Variants in PCDH7 observed in about 807,000 individuals in gnomAD.
The protein encoded by PCDH7 is protocadherin-7.
A neutral mutation model predicts 58.9 loss-of-function variants in PCDH7; 17 were observed. That is an observed-to-expected ratio of 0.29 (90% CI 0.20 to 0.43). PCDH7 has a LOEUF of 0.43. PCDH7 is among the 20% of genes least tolerant of loss of function. PCDH7 has a pLI of 1.00. For missense variants in PCDH7, 1,274 were observed against 1,441.0 expected (o/e 0.88, Z 1.88); for synonymous variants, 664 against 616.4 (o/e 1.08, Z -1.14).
chr4:30,980,485 A>T lies in PCDH7; in HGVS notation c.*7+30270A>T, dbSNP rs142166412. Among the ~76,000 whole-genome samples the T allele has an allele frequency of 1.5e-3, 228 of 152,280 alleles. 1 individual carries two copies. Among genetic ancestry groups the T allele is most frequent in the Middle Eastern group, 0.01 (3 of 294 alleles). On this transcript the variant is annotated intron_variant, in intron 3 of 3. Coordinates refer to the PCDH7 transcript ENST00000509759. ...TAGCAAAATTTAGTCTAGGCAATGG[A>T]TACTGGCAGACATAAAATGAAGCTG...
At chr4:31,112,613 T>A (rs149135671) in intron 3 of PCDH7, among the ~76,000 whole-genome samples, 62 of 152,302 alleles carry the variant, frequency 4.1e-4, no homozygotes, top group African/African-American at 1.5e-3. Flanking sequence ...GCAAAGCCTC[T>A]CTGTTGTTTA....
chr4:31,007,310 G>A (rs1196920383), intron 3 of PCDH7, among the ~76,000 whole-genome samples: 1 of 152,200 alleles, frequency 6.6e-6, no homozygotes. Context: ...CTTAGGGTAT[G>A]CAATACATAC....
intron 3 of PCDH7, among the ~76,000 whole-genome samples, chr4:31,066,058 A>T (rs187205941): frequency 7.9e-4 from 120 of 151,976 alleles, no homozygotes; most frequent in African/African-American, 2.8e-3. Context: ...CTATCACACT[A>T]ACCAATGATC....
At chr4:30,883,645 T>C (rs1737292791) in intron 1 of PCDH7, among the ~76,000 whole-genome samples, 1 of 152,210 alleles carries the variant, frequency 6.6e-6, no homozygotes, top group Admixed American at 6.5e-5. Flanking sequence ...TACACTGATA[T>C]TTTCTCCTCT....
rs1400928621 is a variant in PCDH7 at position 30,907,865 on chromosome 4, G to C, written c.71-12288G>C. Among the ~76,000 whole-genome samples, 3 of 152,112 alleles carry C rather than the reference G, an allele frequency of 2.0e-5. 1 individual carries two copies. Among genetic ancestry groups the C allele is most frequent in the South Asian group, 4.1e-4 (2 of 4,822 alleles). On this transcript the variant is annotated intron_variant, in intron 1 of 3. Coordinates refer to the PCDH7 transcript ENST00000509759. ...GAAACCAATCCAAATGTCCAGCAATGATAAACTAGATTAAGAAAATGTGGC... is the reference window on the plus strand; with the variant it reads ...GAAACCAATCCAAATGTCCAGCAATCATAAACTAGATTAAGAAAATGTGGC...
At chr4:31,058,648 T>G (rs1757443099) in intron 3 of PCDH7, among the ~76,000 whole-genome samples, 1 of 152,030 alleles carries the variant, frequency 6.6e-6, no homozygotes, top group South Asian at 2.1e-4. Context: ...AAAGACCTTC[T>G]TATAATGTAG....
At chr4:30,977,670 C>T (rs1750189660) in intron 3 of PCDH7, among the ~76,000 whole-genome samples, 1 of 152,090 alleles carries the variant, frequency 6.6e-6, no homozygotes, top group Admixed American at 6.5e-5. Context: ...TTGAATTTCA[C>T]TTTGGAGCTC....
exon 2 of PCDH7, chr4:30,732,275 C>T (rs944570080): frequency 6.6e-6 from 1 of 152,136 alleles, no homozygotes; most frequent in Admixed American, 6.6e-5. Flanking sequence ...GTGAAAGGAA[C>T]CTTACCAATC....
intron 1 of PCDH7, among the ~76,000 whole-genome samples, chr4:30,912,841 T>C (rs937163695): frequency 9.9e-5 from 15 of 152,178 alleles, no homozygotes; most frequent in Admixed American, 2.0e-4. Flanking sequence ...CTATATTTTC[T>C]GTTTTACTGT....
At chr4:30,832,615 C>T (rs917485249) in intron 1 of PCDH7, among the ~76,000 whole-genome samples, 2 of 151,998 alleles carry the variant, frequency 1.3e-5, no homozygotes, top group Non-Finnish European at 2.9e-5. Context: ...AAAAATTTAT[C>T]CCCTCTGTGT....
chr4:30,889,771 G>A (rs777871065), intron 1 of PCDH7, among the ~76,000 whole-genome samples: 6 of 152,100 alleles, frequency 3.9e-5, no homozygotes, highest in African/African-American at 9.7e-5. Context: ...ACCCATCCTC[G>A]TGACCTAATC....
intron 3 of PCDH7, among the ~76,000 whole-genome samples, chr4:31,004,392 A>C (rs1240517112): frequency 6.6e-6 from 1 of 152,034 alleles, no homozygotes; most frequent in Non-Finnish European, 1.5e-5. Flanking sequence ...GCAGTACTGA[A>C]ATAAGGAGTG....
At chr4:30,853,220 G>A (rs938768544) in intron 1 of PCDH7, among the ~76,000 whole-genome samples, 22 of 152,206 alleles carry the variant, frequency 1.4e-4, no homozygotes, top group Admixed American at 6.6e-4. Flanking sequence ...TCTTAACTGT[G>A]TGACCTTGTG....
At chr4:30,824,386 T>C (rs760145780) in intron 1 of PCDH7, among the ~76,000 whole-genome samples, 46 of 152,010 alleles carry the variant, frequency 3.0e-4, no homozygotes, top group Admixed American at 3.9e-4. Flanking sequence ...CACGGAGAGA[T>C]ATCACAGGCA....
chr4:30,923,650 A>G (rs777126730), intron 2 of PCDH7, among the ~76,000 whole-genome samples: 3 of 152,146 alleles, frequency 2.0e-5, no homozygotes, highest in Non-Finnish European at 4.4e-5. Context: ...GTAGAATGCC[A>G]CAGGTCCCTG....
intron 3 of PCDH7, among the ~76,000 whole-genome samples, chr4:31,033,924 T>C (rs1029920302): frequency 6.6e-6 from 1 of 152,038 alleles, no homozygotes; most frequent in Non-Finnish European, 1.5e-5. Flanking sequence ...TGAAACCCCA[T>C]CTCTACTAAA....
At chr4:30,797,965 G>A (rs1725009733) in intron 1 of PCDH7, among the ~76,000 whole-genome samples, 2 of 152,118 alleles carry the variant, frequency 1.3e-5, no homozygotes, top group Admixed American at 1.3e-4. Context: ...AACAAATCAT[G>A]TGAACTTCGT....
intron 1 of PCDH7, among the ~76,000 whole-genome samples, chr4:30,758,063 AT>A (rs1195322509): frequency 6.6e-6 from 1 of 152,166 alleles, no homozygotes; most frequent in African/African-American, 2.4e-5. Flanking sequence ...ATGGTGGCAA[AT>A]GTTATGAAAA....
At chr4:30,925,978 C>T (rs1199813400) in intron 2 of PCDH7, 3 of 152,098 alleles carry the variant, frequency 2.0e-5, no homozygotes, top group Non-Finnish European at 4.4e-5. Flanking sequence ...GCTTTACCTC[C>T]TACAAGGAGT....
Sources: gnomAD v4.1 joint callset for allele counts (sites outside exome capture counted in the v4.1 genomes callset) on GRCh38, gnomAD v4.1.1 for gene constraint, MANE v1.5 for transcripts, NCBI Gene and HGNC (gene_info 2026-07-23, HGNC 2026-07-21) for gene names.